Variants in ZDHHC14 observed in about 807,000 individuals in gnomAD.
ZDHHC14 encodes the protein zDHHC palmitoyltransferase 14.
Under a neutral mutation model 47.7 loss-of-function variants are expected in ZDHHC14, and 16 were observed. The ratio of observed to expected loss-of-function variants is 0.34; its 90% CI spans 0.23 to 0.51. The LOEUF is 0.51. Among genes scored for constraint, ZDHHC14 ranks in the 20% least tolerant of loss-of-function variants. The pLI, the probability that ZDHHC14 is intolerant of heterozygous loss-of-function variation, is 0.97. For missense variants in ZDHHC14, 515 were observed against 662.5 expected, an observed-to-expected ratio of 0.78 and a Z score of 2.44; for synonymous variants, 293 against 278.9, an observed-to-expected ratio of 1.05 and a Z score of -0.50.
chr6:157,636,009 C>T (rs1398361255), intron 5 of ZDHHC14, among the ~76,000 whole-genome samples: 2 of 152,150 alleles, frequency 1.3e-5, no homozygotes, highest in Non-Finnish European at 2.9e-5. Context: ...CTCCCCCTTG[C>T]AGGAGTTCCC....
intron 1 of ZDHHC14, among the ~76,000 whole-genome samples, chr6:157,413,657 T>C (rs1010884996): frequency 1.3e-4 from 19 of 151,786 alleles, no homozygotes; most frequent in Admixed American, 6.6e-5. Context: ...GGGCTGGATG[T>C]GTGGGAGCTT....
At chr6:157,577,924 T>C (rs940082927) in intron 2 of ZDHHC14, among the ~76,000 whole-genome samples, 4 of 152,278 alleles carry the variant, frequency 2.6e-5, no homozygotes, top group Admixed American at 2.0e-4. Flanking sequence ...GTGGTTTTCA[T>C]TTGCATTTCT....
chr6:157,542,502 G>C (rs1203581646), intron 1 of ZDHHC14, 83 bp from the exon 2 acceptor site: 1 of 1,492,078 alleles, frequency 6.7e-7, no homozygotes, highest in Non-Finnish European at 9.0e-7. Flanking sequence ...TTTCTTAGAA[G>C]ATAAAGACTG....
At chr6:157,643,007 C>T (rs577098546) in intron 5 of ZDHHC14, among the ~76,000 whole-genome samples, 21 of 152,362 alleles carry the variant, frequency 1.4e-4, no homozygotes, top group African/African-American at 5.0e-4. Context: ...CCCAGCAGAG[C>T]AGACTTCCGG....
chr6:157,605,076 G>A (rs2114913492), intron 3 of ZDHHC14, among the ~76,000 whole-genome samples: 1 of 152,342 alleles, frequency 6.6e-6, no homozygotes, highest in Non-Finnish European at 1.5e-5. Flanking sequence ...CTATTTGTAG[G>A]AGTTGGGCAG....
intron 1 of ZDHHC14, 97 bp downstream of exon 1, chr6:157,382,363 C>G: frequency 2.8e-6 from 4 of 1,425,858 alleles, no homozygotes; most frequent in Middle Eastern, 1.8e-4. Flanking sequence ...GAAGTCTTAT[C>G]TACTGTAAAT....
At chr6:157,584,288 C>G (rs1783613515) in intron 2 of ZDHHC14, among the ~76,000 whole-genome samples, 1 of 152,002 alleles carries the variant, frequency 6.6e-6, no homozygotes, top group African/African-American at 2.4e-5. Flanking sequence ...AGAGACGGGA[C>G]TCCTCTCTGG....
rs1466175545 is a variant in ZDHHC14 at position 157,586,057 on chromosome 6, A to T, written c.407-6931A>T. On this transcript the variant is annotated intron_variant, in intron 2 of 8. Transcript: ENST00000359775. This position sits in a 1 kb window ranked among gnomAD's most constrained non-coding sequence, Gnocchi z 4.6. The stretch of plus-strand genomic sequence containing the variant: ...ACTTGAAAGTGGATAGGCCGTGGTC[A>T]CTGCCCTGGAGCAGCAGGAAGATCT... Among the ~76,000 whole-genome samples, 1 of 152,164 alleles carries T rather than the reference A, an allele frequency of 6.6e-6. No individual in the cohort carries two copies. The highest frequency in any genetic ancestry group is 2.4e-5 in the African/African-American group (1 of 41,438).
At chr6:157,624,335 C>T (rs930026543) in intron 3 of ZDHHC14, among the ~76,000 whole-genome samples, 5 of 152,192 alleles carry the variant, frequency 3.3e-5, no homozygotes, top group African/African-American at 4.8e-5. Context: ...TGAGGTCTCC[C>T]TGCTTTTCCA....
At chr6:157,524,413 C>T (rs763660518) in intron 1 of ZDHHC14, among the ~76,000 whole-genome samples, 74 of 152,240 alleles carry the variant, frequency 4.9e-4, no homozygotes, top group Non-Finnish European at 7.1e-4. Context: ...GGATTATAGG[C>T]GTGAGCCACC....
At chr6:157,544,375 C>T (rs549438139) in intron 2 of ZDHHC14, among the ~76,000 whole-genome samples, 28 of 152,232 alleles carry the variant, frequency 1.8e-4, no homozygotes, top group Non-Finnish European at 2.6e-4. Context: ...AGGCAGGGCA[C>T]GGTGGCTCAT....
intron 1 of ZDHHC14, among the ~76,000 whole-genome samples, chr6:157,390,213 T>A (rs1169603847): frequency 6.6e-6 from 1 of 152,206 alleles, no homozygotes; most frequent in African/African-American, 2.4e-5. Context: ...AGACCTTTGA[T>A]GATATTAGCC....
At chr6:157,556,518 A>G (rs1441208866) in intron 2 of ZDHHC14, among the ~76,000 whole-genome samples, 1 of 152,240 alleles carries the variant, frequency 6.6e-6, no homozygotes, top group Non-Finnish European at 1.5e-5. Context: ...GCTGTTTGGT[A>G]GGGGTTAAGG....
intron 1 of ZDHHC14, among the ~76,000 whole-genome samples, chr6:157,476,264 A>T (rs2114831302): frequency 6.6e-6 from 1 of 152,336 alleles, no homozygotes; most frequent in African/African-American, 2.4e-5. Context: ...GATTAAAAAT[A>T]CAAAGGATCA....
chr6:157,507,562 G>A (rs867739798), intron 1 of ZDHHC14, among the ~76,000 whole-genome samples: 35 of 152,310 alleles, frequency 2.3e-4, no homozygotes, highest in African/African-American at 6.7e-4. Flanking sequence ...AATTTCAGAC[G>A]TGAGCCACTG....
At chr6:157,661,121 G>A (rs1266824147) in intron 8 of ZDHHC14, among the ~76,000 whole-genome samples, 1 of 152,122 alleles carries the variant, frequency 6.6e-6, no homozygotes, top group Non-Finnish European at 1.5e-5. Flanking sequence ...TGTTTCAAGA[G>A]GGGGTGCAAG....
chr6:157,436,583 A>C (rs1175130844), intron 1 of ZDHHC14, among the ~76,000 whole-genome samples: 1 of 7,668 alleles, frequency 1.3e-4, no homozygotes. Context: ...CTGCTGGGGG[A>C]GGGGGGGCGG....
intron 1 of ZDHHC14, among the ~76,000 whole-genome samples, chr6:157,420,124 G>T (rs889646451): frequency 5.9e-5 from 9 of 152,254 alleles, no homozygotes; most frequent in African/African-American, 2.2e-4. Context: ...AACCCTCACA[G>T]TGGGAAAGCA....
chr6:157,425,276 A>G (rs1778193312), intron 1 of ZDHHC14, among the ~76,000 whole-genome samples: 1 of 152,220 alleles, frequency 6.6e-6, no homozygotes, highest in Non-Finnish European at 1.5e-5. Context: ...TATTGTTCAT[A>G]TACAAGCAAG....
Sources: allele counts gnomAD v4.1 joint callset (sites outside exome capture counted in the v4.1 genomes callset), GRCh38; gene constraint gnomAD v4.1.1; non-coding constraint Gnocchi (gnomAD v3.1); transcripts MANE v1.5; gene names NCBI Gene and HGNC (gene_info 2026-07-23, HGNC 2026-07-21).